Variants in ZNF565 observed in about 807,000 individuals in gnomAD.
The protein encoded by ZNF565 is zinc finger protein 565.
ZNF565 carries 27 observed loss-of-function variants against 39.4 expected under a neutral mutation model. That is an observed-to-expected ratio of 0.69 (90% CI 0.51 to 0.95). ZNF565 has a LOEUF of 0.95. Among genes scored for constraint, ZNF565 ranks in the 40% least tolerant of loss-of-function variants. The pLI is 0.00. For synonymous variants in ZNF565, 185 were observed against 216.6 expected (o/e 0.85, Z 1.28); for missense variants, 524 against 621.1 (o/e 0.84, Z 1.66).
intron 2 of ZNF565, among the ~76,000 whole-genome samples, chr19:36,197,949 A>G (rs1462244539): frequency 2.0e-5 from 3 of 151,986 alleles, no homozygotes; most frequent in African/African-American, 7.2e-5. Context: ...AGAGTTCGAG[A>G]CCAGCCTGGC....
At chr19:36,242,780 C>CA (rs1028467935) in intron 1 of ZNF565, among the ~76,000 whole-genome samples, 4 of 151,704 alleles carry the variant, frequency 2.6e-5, no homozygotes, top group East Asian at 1.9e-4. Context: ...TCATTTTTTC[C>CA]AAAAAAGATA....
chr19:36,184,241 A>G (rs181776066), intron 4 of ZNF565, among the ~76,000 whole-genome samples: 1 of 151,944 alleles, frequency 6.6e-6, no homozygotes, highest in African/African-American at 2.4e-5. Context: ...GAAGGGAGCA[A>G]GAAGACAAAT....
chr19:36,225,627 AT>A (rs924093366), intron 1 of ZNF565, among the ~76,000 whole-genome samples: 197 of 137,982 alleles, frequency 1.4e-3, no homozygotes, highest in African/African-American at 5.2e-3. Flanking sequence ...GTTTTTTTGT[AT>A]TTTTTTTTAG....
chr19:36,233,761 T>G (rs941075217), intron 1 of ZNF565, among the ~76,000 whole-genome samples: 5 of 152,156 alleles, frequency 3.3e-5, no homozygotes, highest in African/African-American at 1.2e-4. Flanking sequence ...CCTAAGGCGG[T>G]TTTCCCCTAT....
At position 36,182,456 on chromosome 19, in the gene ZNF565, T is replaced by G; in HGVS notation, c.*10A>C. Reference sequence around the variant, plus strand: ...AAAGGCTTATCTTTATCCCTTACACTCAAGGCTTTCTAACCAGTATGAATT... The same window carrying G: ...AAAGGCTTATCTTTATCCCTTACACGCAAGGCTTTCTAACCAGTATGAATT... On this transcript the variant is annotated 3_prime_UTR_variant, in exon 5 of 5. Coordinates refer to ENST00000304116, the MANE Select transcript of ZNF565 (RefSeq NM_152477.5). 10 of 1,545,048 alleles carry G rather than the reference T, an allele frequency of 6.5e-6. No individual in the cohort carries two copies. Among genetic ancestry groups the G allele is most frequent in the Non-Finnish European group, 8.7e-6 (10 of 1,147,584 alleles).
chr19:36,228,383 G>T (rs1331615106), intron 1 of ZNF565: 1 of 152,318 alleles, frequency 6.6e-6, no homozygotes, highest in South Asian at 2.1e-4. Context: ...TCAGGACCCT[G>T]AGTGGGAGTG....
At chr19:36,208,107 T>G in intron 1 of ZNF565, among the ~76,000 whole-genome samples, 1 of 151,960 alleles carries the variant, frequency 6.6e-6, no homozygotes, top group Non-Finnish European at 1.5e-5. Context: ...GCTTCAGAAA[T>G]AAGAGCAGAG....
At chr19:36,221,202 T>G (rs1005199844) in intron 1 of ZNF565, among the ~76,000 whole-genome samples, 3 of 152,120 alleles carry the variant, frequency 2.0e-5, no homozygotes, top group African/African-American at 7.2e-5. Flanking sequence ...TCTAAAGTCA[T>G]TTGAAATCGT....
chr19:36,184,163 T>G (rs17639574), intron 4 of ZNF565, among the ~76,000 whole-genome samples: 15,365 of 146,636 alleles, frequency 0.1, 1,047 homozygotes, highest in Non-Finnish European at 0.15. Context: ...CTTATATACA[T>G]CTCAAATATT....
At chr19:36,233,076 A>G (rs980660095) in intron 1 of ZNF565, among the ~76,000 whole-genome samples, 1 of 152,122 alleles carries the variant, frequency 6.6e-6, no homozygotes, top group African/African-American at 2.4e-5. Context: ...TTAAATATGT[A>G]TTTTCTACCA....
Position 36,182,750 on chromosome 19 carries a change from G to A in ZNF565, c.1216C>T (p.Leu406Phe), listed in dbSNP as rs1337199668. The change falls in exon 5 of 5, where the codon CTC becomes TTC. Residue 406 changes from leucine (L) to phenylalanine (F), a missense_variant. Leu to Phe is a conservative substitution (Grantham distance 22). Coordinates refer to ENST00000304116, the MANE Select transcript of ZNF565 (RefSeq NM_152477.5). ...GTATGAATTCTTTGATGTTGAATGA[G>A]GTATGAGCTACGACTAAATGCCTTC... ...CGKAFSRSSY[L>F]IQHQRIHTGD... is the part of the protein sequence containing the mutation. 1.9e-6 allele frequency: 3 copies of A among 1,613,994 alleles called. No homozygotes were observed. The highest frequency in any genetic ancestry group is 3.3e-5 in the Admixed American group (2 of 59,960).
At chr19:36,224,970 T>C (rs772609100) in intron 1 of ZNF565, among the ~76,000 whole-genome samples, 5 of 140,364 alleles carry the variant, frequency 3.6e-5, no homozygotes, top group Non-Finnish European at 7.7e-5. Flanking sequence ...TATTATTCCC[T>C]GCTTTCCTTA....
upstream of ZNF565, among the ~76,000 whole-genome samples, chr19:36,218,499 A>G (rs1439433564): frequency 1.3e-5 from 2 of 151,014 alleles, no homozygotes; most frequent in African/African-American, 2.4e-5. Context: ...ATGGAGTCTC[A>G]CTGTCGCCCA....
rs372398242 is a variant in ZNF565 at position 36,183,084 on chromosome 19, G to A, written c.882C>T (p.Leu294=). The part of the protein sequence containing the change: ...CGKAFIRGSQ[L]TVHRRIHTGA... ...CTGTGTGGATTCTCCGATGCACAGT[G>A]AGTTGGGAGCCACGAATGAAAGCCT... Residue 294 remains leucine, a synonymous_variant, in exon 5 of 5, where the codon CTC becomes CTT. Coordinates refer to ENST00000304116, the MANE Select transcript of ZNF565 (RefSeq NM_152477.5). 45 of 1,614,048 alleles carry A rather than the reference G, an allele frequency of 2.8e-5. No homozygotes were observed. The highest frequency in any genetic ancestry group is 3.7e-5 in the Non-Finnish European group (44 of 1,180,042).
chr19:36,226,754 T>G (rs1295474109), intron 1 of ZNF565, among the ~76,000 whole-genome samples: 6 of 152,188 alleles, frequency 3.9e-5, no homozygotes, highest in Admixed American at 3.9e-4. Flanking sequence ...ATATTCAAAT[T>G]TGGTCAGTCA....
At chr19:36,217,018 C>T (rs1976637119), upstream of ZNF565, among the ~76,000 whole-genome samples, 3 of 144,270 alleles carry the variant, frequency 2.1e-5, no homozygotes, top group South Asian at 2.2e-4. Flanking sequence ...GAGATCCTGG[C>T]GACAGCATTC....
intron 1 of ZNF565, among the ~76,000 whole-genome samples, chr19:36,231,396 AC>A (rs1052877638): frequency 2.0e-5 from 3 of 151,964 alleles, no homozygotes; most frequent in African/African-American, 7.2e-5. Flanking sequence ...TTTTTTGGTA[AC>A]CAGTTTTCAC....
chr19:36,245,235 G>A lies in ZNF565; in HGVS notation c.55+241C>T, dbSNP rs1035063097. ...TCGCTTTGGCAGCTCCCTCGGTTTA[G>A]AGCTACAGGGTTTTCTCCCTCCCCT... On this transcript the variant is annotated intron_variant, in intron 1 of 4. Coordinates refer to the ZNF565 transcript ENST00000355114. The surrounding 1 kb of genome is among the most constrained non-coding windows in gnomAD (Gnocchi z 4.4). Among the ~76,000 whole-genome samples the A allele has an allele frequency of 6.6e-6, 1 of 152,150 alleles. No individual in the cohort carries two copies. The highest frequency in any genetic ancestry group is 1.5e-5 in the Non-Finnish European group (1 of 68,018).
chr19:36,216,776 A>T (rs10405434), upstream of ZNF565, among the ~76,000 whole-genome samples: 6,202 of 152,224 alleles, frequency 0.041, 402 homozygotes, highest in African/African-American at 0.14. Context: ...GTACAGACTG[A>T]GAAAGAAAAG....
Sources: allele counts gnomAD v4.1 joint callset (sites outside exome capture counted in the v4.1 genomes callset), GRCh38; gene constraint gnomAD v4.1.1; non-coding constraint Gnocchi (gnomAD v3.1); transcripts MANE v1.5; gene names NCBI Gene and HGNC (gene_info 2026-07-23, HGNC 2026-07-21).